Variants in SAMD5 observed in about 807,000 individuals in gnomAD.
The protein encoded by SAMD5 is sterile alpha motif domain-containing protein 5.
SAMD5 carries 13 observed loss-of-function variants against 11.3 expected under a neutral mutation model. That is an observed-to-expected ratio of 1.15 (90% CI 0.75 to 1.83). The LOEUF (loss-of-function observed/expected upper bound fraction) is 1.83, where lower values mean the gene tolerates loss of function less well. Among genes scored for constraint, SAMD5 ranks in the 40% most tolerant of loss-of-function variants. SAMD5 has a pLI of 0.00. For synonymous variants in SAMD5, 129 were observed against 111.3 expected (o/e 1.16, Z -1.00); for missense variants, 255 against 239.1 (o/e 1.07, Z -0.44).
chr6:147,706,371 G>A (rs1313524747), intron 1 of SAMD5, among the ~76,000 whole-genome samples: 2 of 152,002 alleles, frequency 1.3e-5, no homozygotes, highest in East Asian at 3.9e-4. Context: ...ACAGGTGCCC[G>A]CCACCAACCA....
chr6:147,787,886 G>A, the SAMD5 span, among the ~76,000 whole-genome samples: 9 of 152,172 alleles, frequency 5.9e-5, no homozygotes, highest in East Asian at 1.9e-4. Context: ...GCTCCGTAGC[G>A]CCAAGGCTCA....
chr6:147,823,027 G>T, the SAMD5 span, among the ~76,000 whole-genome samples: 1 of 152,108 alleles, frequency 6.6e-6, no homozygotes, highest in Non-Finnish European at 1.5e-5. Context: ...ACGTTGGCCA[G>T]GCTGGTCTCG....
chr6:147,614,290 A>AT (rs1472997897), intron 1 of SAMD5, among the ~76,000 whole-genome samples: 11 of 151,686 alleles, frequency 7.3e-5, no homozygotes, highest in Non-Finnish European at 1.2e-4. Context: ...CAACATGGTG[A>AT]AACCCTGTCT....
chr6:147,908,720 A>T, the SAMD5 span, among the ~76,000 whole-genome samples: 1 of 152,188 alleles, frequency 6.6e-6, no homozygotes. Flanking sequence ...ATAGGAGAAA[A>T]TTTTAGGAAA....
At chr6:147,652,507 C>T (rs1790500264) in intron 1 of SAMD5, among the ~76,000 whole-genome samples, 1 of 152,152 alleles carries the variant, frequency 6.6e-6, no homozygotes, top group Non-Finnish European at 1.5e-5. Flanking sequence ...ATGGAGGAGG[C>T]TCCCTGGTTC....
the SAMD5 span, among the ~76,000 whole-genome samples, chr6:147,854,136 C>T: frequency 6.6e-6 from 1 of 152,034 alleles, no homozygotes; most frequent in Non-Finnish European, 1.5e-5. Flanking sequence ...GAAGCTTTCA[C>T]AGGATAGGTG....
Position 147,708,905 on chromosome 6 carries a change from G to T in SAMD5, c.163-28412G>T, listed in dbSNP as rs577102386. Among the ~76,000 whole-genome samples the T allele has an allele frequency of 2.6e-5, 4 of 152,242 alleles. No homozygotes were observed. The East Asian group carries it at 7.7e-4, about 29-fold the overall frequency. ...GTGTCCCAGTCTGTCTGGTTTTGTT[G>T]GATTGGTTTCGCACTTCATTGCTTT... On this transcript the variant is annotated intron_variant, in intron 1 of 1. Coordinates refer to the SAMD5 transcript ENST00000566741.
chr6:147,832,819 C>T, the SAMD5 span, among the ~76,000 whole-genome samples: 37 of 152,104 alleles, frequency 2.4e-4, no homozygotes, highest in Non-Finnish European at 4.3e-4. Flanking sequence ...CCAACGCTCC[C>T]AAATCCTATT....
the SAMD5 span, among the ~76,000 whole-genome samples, chr6:147,795,101 C>T: frequency 2.0e-5 from 3 of 150,368 alleles, no homozygotes; most frequent in African/African-American, 7.4e-5. Context: ...TTTTAGGGTA[C>T]ATGTGCACAT....
chr6:147,629,745 T>C (rs1221945726), intron 1 of SAMD5, among the ~76,000 whole-genome samples: 1 of 152,192 alleles, frequency 6.6e-6, no homozygotes, highest in Non-Finnish European at 1.5e-5. Context: ...CTAGATAACA[T>C]GTCCTGACCA....
chr6:147,744,920 A>AATAAATAAATAAATAAATAAATAAATAG, the SAMD5 span, among the ~76,000 whole-genome samples: 3,599 of 151,002 alleles, frequency 0.024, 159 homozygotes, highest in African/African-American at 0.083. Context: ...TAAATAAATA[A>AATAAATAAATAAATAAATAAATAAATAG]ATAAGTAAGT....
intron 1 of SAMD5, among the ~76,000 whole-genome samples, chr6:147,727,418 C>T (rs561761665): frequency 1.3e-4 from 20 of 152,318 alleles, no homozygotes; most frequent in Admixed American, 1.1e-3. Context: ...GCCCTTACCA[C>T]ATGGCATTGA....
Position 147,633,059 on chromosome 6 carries a change from G to A in SAMD5, c.163-104258G>A, listed in dbSNP as rs562850732. Among the ~76,000 whole-genome samples the A allele has an allele frequency of 2.0e-5, 3 of 152,264 alleles. No homozygotes were observed. In the South Asian group the frequency reaches 6.2e-4, roughly 32 times the overall value. ...TAAGATGTAACCCTTGAATGAAGAG[G>A]TAAACTGAATCAAATGACAGAAATA... On this transcript the variant is annotated intron_variant, in intron 1 of 1. Coordinates refer to the SAMD5 transcript ENST00000566741.
chr6:147,831,744 C>A, the SAMD5 span, among the ~76,000 whole-genome samples: 1,956 of 152,116 alleles, frequency 0.013, 41 homozygotes, highest in African/African-American at 0.045. Context: ...CTTAGGACAG[C>A]CAATTATTGA....
chr6:147,875,202 A>G, the SAMD5 span, among the ~76,000 whole-genome samples: 14 of 152,172 alleles, frequency 9.2e-5, no homozygotes, highest in Non-Finnish European at 1.2e-4. Flanking sequence ...GGTTTACATT[A>G]TATGCACTAT....
At chr6:147,763,673 C>T in the SAMD5 span, among the ~76,000 whole-genome samples, 1 of 151,958 alleles carries the variant, frequency 6.6e-6, no homozygotes, top group East Asian at 2.0e-4. Context: ...CTCTGCCTCC[C>T]CTGGCTTCAA....
chr6:147,776,689 T>C, the SAMD5 span, among the ~76,000 whole-genome samples: 24 of 152,282 alleles, frequency 1.6e-4, no homozygotes, highest in Non-Finnish European at 2.6e-4. Context: ...GAACTGTTAG[T>C]ATAGTTCGAT....
At chr6:147,881,411 A>T in the SAMD5 span, among the ~76,000 whole-genome samples, 1 of 152,168 alleles carries the variant, frequency 6.6e-6, no homozygotes, top group South Asian at 2.1e-4. Context: ...GATAAGTGGT[A>T]CATCAGACCC....
chr6:147,596,563 T>C (rs1479115010), intron 1 of SAMD5, among the ~76,000 whole-genome samples: 1 of 152,204 alleles, frequency 6.6e-6, no homozygotes, highest in Non-Finnish European at 1.5e-5. Context: ...AAGATTGTCA[T>C]GTTAATAATT....
Sources: allele counts gnomAD v4.1 joint callset (sites outside exome capture counted in the v4.1 genomes callset), GRCh38; gene constraint gnomAD v4.1.1; transcripts MANE v1.5; gene names NCBI Gene and HGNC (gene_info 2026-07-23, HGNC 2026-07-21).